Variants in ATAD2B observed in about 807,000 individuals in gnomAD.
ATAD2B encodes the protein ATPase family AAA domain containing 2B, also known as ATPase family AAA domain-containing protein 2B.
ATAD2B carries 40 observed loss-of-function variants against 167.6 expected under a neutral mutation model. That is an observed-to-expected ratio of 0.24 (90% CI 0.19 to 0.31). ATAD2B has a LOEUF of 0.31. Ranked by LOEUF, ATAD2B falls within the 10% of genes least tolerant of loss-of-function variation. The pLI, the probability that ATAD2B is intolerant of heterozygous loss-of-function variation, is 1.00. For missense variants in ATAD2B, 1,242 were observed against 1,757.2 expected, an observed-to-expected ratio of 0.71 and a Z score of 5.24; for synonymous variants, 579 against 596.5, an observed-to-expected ratio of 0.97 and a Z score of 0.43.
Position 23,819,790 on chromosome 2 carries a change from A to G in ATAD2B, c.2224T>C (p.Ser742Pro). The G allele has an allele frequency of 6.2e-7, 1 of 1,610,784 alleles. No individual in the cohort carries two copies. Among genetic ancestry groups the G allele is most frequent in the Non-Finnish European group, 8.5e-7 (1 of 1,177,460 alleles). ...GGTTTATGTATAGCAGCAGATGATG[A>G]CTGTTTCTTTGGTGATCCTGAGTGA... ...NCHSGSPKKQSSSAAIHKPYL... is the reference protein window; with the variant it reads ...NCHSGSPKKQPSSAAIHKPYL... The change falls in exon 17 of 28, where the codon TCA becomes CCA. Residue 742 changes from serine to proline, a missense_variant. By Grantham distance (74) the Ser-to-Pro change is moderately conservative (BLOSUM62 -1). Coordinates refer to ENST00000238789, the MANE Select transcript of ATAD2B (RefSeq NM_017552.4).
chr2:23,909,702 G>A (rs1254179291), intron 1 of ATAD2B, among the ~76,000 whole-genome samples: 1 of 151,958 alleles, frequency 6.6e-6, no homozygotes, highest in Non-Finnish European at 1.5e-5. Flanking sequence ...CTTTTTTTCT[G>A]TGTACGTACA....
the ATAD2B span, among the ~76,000 whole-genome samples, chr2:23,723,337 A>G: frequency 7.3e-6 from 1 of 136,500 alleles, no homozygotes; most frequent in South Asian, 2.7e-4. Context: ...AAGAAAAGGA[A>G]GGAAAGGAAG....
At chr2:23,798,106 T>G (rs749105938) in intron 19 of ATAD2B, 32 bp downstream of exon 19, 6 of 1,306,492 alleles carry the variant, frequency 4.6e-6, no homozygotes, top group Non-Finnish European at 3.1e-6. Context: ...AACAATATAA[T>G]AAGGAAAGAT....
At chr2:23,864,710 T>C in intron 11 of ATAD2B, 99 bp downstream of exon 11, 1 of 561,602 alleles carries the variant, frequency 1.8e-6, no homozygotes, top group Non-Finnish European at 3.0e-6. Flanking sequence ...ACACGTCAAA[T>C]AAATATATAT....
chr2:23,922,167 G>A (rs1334554609), intron 1 of ATAD2B, among the ~76,000 whole-genome samples: 2 of 152,122 alleles, frequency 1.3e-5, no homozygotes, highest in African/African-American at 4.8e-5. Flanking sequence ...AAAAGCTAGT[G>A]AAAAAGCCAG....
the ATAD2B span, among the ~76,000 whole-genome samples, chr2:23,741,718 T>G: frequency 1.3e-5 from 2 of 152,010 alleles, no homozygotes; most frequent in African/African-American, 4.8e-5. Flanking sequence ...CTAATTAAAC[T>G]AAAGAGCTTC....
At chr2:23,902,818 CATTT>C (rs1700993673) in intron 1 of ATAD2B, among the ~76,000 whole-genome samples, 1 of 152,150 alleles carries the variant, frequency 6.6e-6, no homozygotes, top group South Asian at 2.1e-4. Flanking sequence ...GTAATCCCAA[CATTT>C]TGGGAGACCC....
chr2:23,803,313 T>TACACACAC (rs150446002), intron 18 of ATAD2B, among the ~76,000 whole-genome samples: 58 of 149,482 alleles, frequency 3.9e-4, no homozygotes, highest in South Asian at 8.5e-4. Context: ...CATATGTGTG[T>TACACACAC]ACACACACAC....
At position 23,810,307 on chromosome 2, in the gene ATAD2B, C is replaced by A; in HGVS notation, c.2454+9G>T. 6.2e-7 allele frequency: 1 copy of A among 1,610,898 alleles called. No homozygotes were observed. The highest frequency in any genetic ancestry group is 8.5e-7 in the Non-Finnish European group (1 of 1,177,560). On this transcript the variant is annotated intron_variant, in intron 18 of 27. Transcript: ENST00000238789. ...AAGTTGGAAGTGCTCTGATGTGGTA[C>A]AAACCTACCTGTGCACATGATTCCT...
intron 13 of ATAD2B, among the ~76,000 whole-genome samples, chr2:23,845,611 A>T (rs1691661473): frequency 8.6e-6 from 1 of 116,272 alleles, no homozygotes; most frequent in Admixed American, 1.2e-4. Flanking sequence ...ACAGTGTCTC[A>T]CTCTCTCACC....
chr2:23,880,071 A>G (rs552327111), intron 7 of ATAD2B, among the ~76,000 whole-genome samples: 100 of 151,678 alleles, frequency 6.6e-4, no homozygotes, highest in South Asian at 3.8e-3. Flanking sequence ...AAAAAAAAAA[A>G]AGAGAGAGAG....
rs750064696 is a variant in ATAD2B, at chr2:23,758,093, G to A, written c.3403C>T (p.Arg1135Trp). 17 of 1,562,524 alleles carry A rather than the reference G, an allele frequency of 1.1e-5. No individual in the cohort carries two copies. Among genetic ancestry groups the A allele is most frequent in the African/African-American group, 1.4e-5 (1 of 72,154 alleles). ...TGTGATCTCCGCCTTGATTTTCTCC[G>A]AACCCGAACTGTTTTACAAGGAAGG... ...NSANKCAFRVRRKSRRRSQWG... is the reference protein window; with the variant it reads ...NSANKCAFRVWRKSRRRSQWG... The change falls in exon 25 of 28, where the codon CGG (arginine) becomes TGG (tryptophan). Residue 1135 changes from arginine (R) to tryptophan (W), a missense_variant. By Grantham distance (101) the Arg-to-Trp change is moderately radical. Coordinates refer to ENST00000238789, the MANE Select transcript of ATAD2B (RefSeq NM_017552.4).
chr2:23,697,219 C>G, the ATAD2B span: 1 of 152,270 alleles, frequency 6.6e-6, no homozygotes, highest in African/African-American at 2.4e-5. Context: ...GCATGAGGGG[C>G]GTGGGCTGAA....
chr2:23,856,188 C>CAAA (rs571662550), intron 13 of ATAD2B: 2,565 of 73,484 alleles, frequency 0.035, 61 homozygotes, highest in Non-Finnish European at 0.049. Context: ...GACTCCATCT[C>CAAA]AAAAAAAAAA....
chr2:23,707,457 A>C, the ATAD2B span: 1 of 152,192 alleles, frequency 6.6e-6, no homozygotes, highest in Admixed American at 6.5e-5. Context: ...GGAATTCCCA[A>C]AGCTCTTTGT....
intron 1 of ATAD2B, among the ~76,000 whole-genome samples, chr2:23,917,739 C>T (rs1463971006): frequency 6.6e-6 from 1 of 151,934 alleles, no homozygotes; most frequent in Non-Finnish European, 1.5e-5. Flanking sequence ...CCAGCCTGGG[C>T]AACATAGTGA....
intron 14 of ATAD2B, chr2:23,832,527 A>C: frequency 5.8e-6 from 1 of 173,594 alleles, no homozygotes; most frequent in Non-Finnish European, 1.2e-5. Context: ...TACACTAGCC[A>C]CATTTTAAGT....
At chr2:23,703,619 G>A in the ATAD2B span, 1 of 1,376,354 alleles carries the variant, frequency 7.3e-7, no homozygotes, top group African/African-American at 1.5e-5. Flanking sequence ...CTTGTTGGAA[G>A]TCTTTCGAGC....
chr2:23,703,520 GCC>G, the ATAD2B span: 1 of 1,066,256 alleles, frequency 9.4e-7, no homozygotes, highest in Non-Finnish European at 1.3e-6. Context: ...GAGTTGCCGA[GCC>G]CCCAGCTCAG....
Sources: gnomAD v4.1 joint callset for allele counts (sites outside exome capture counted in the v4.1 genomes callset) on GRCh38, gnomAD v4.1.1 for gene constraint, MANE v1.5 for transcripts, NCBI Gene and HGNC (gene_info 2026-07-23, HGNC 2026-07-21) for gene names.